PIEZO2: variants seen among roughly 807,000 people sequenced by gnomAD.
PIEZO2 encodes the protein piezo type mechanosensitive ion channel component 2.
Under a neutral mutation model 337.3 loss-of-function variants are expected in PIEZO2, and 172 were observed. The ratio of observed to expected loss-of-function variants is 0.51; its 90% confidence interval spans 0.45 to 0.58. The LOEUF is 0.58. PIEZO2 is among the 20% of genes least tolerant of loss of function. PIEZO2 has a pLI of 0.00. For missense variants in PIEZO2, 3,028 were observed against 3,391.3 expected, an observed-to-expected ratio of 0.89 and a Z score of 2.66; for synonymous variants, 1,251 against 1,228.5, an observed-to-expected ratio of 1.02 and a Z score of -0.38.
chr18:11,053,447 C>T (rs2584730), intron 2 of PIEZO2, among the ~76,000 whole-genome samples: 107,525 of 151,730 alleles, frequency 0.71, 38,656 homozygotes, highest in East Asian at 0.99. Flanking sequence ...ATAATAATAA[C>T]AACAGCCCAC....
At position 10,871,288 on chromosome 18, in the gene PIEZO2, C is replaced by A. The variant is rs1447881873; in HGVS notation, c.457G>T (p.Ala153Ser). Residue 153 changes from alanine to serine, a missense_variant, in exon 5 of 56, where the codon GCA becomes TCA. By Grantham distance (99) the Ala-to-Ser change is moderately conservative. Around this residue, in one of 5 missense-constraint regions of PIEZO2, gnomAD observed 542 missense variants for 605.6 expected, o/e 0.89. Coordinates refer to ENST00000674853, the MANE Select transcript of PIEZO2 (RefSeq NM_001378183.1). ...IVQKPVTDEAAQSNPEFENEE... is the reference protein window; with the variant it reads ...IVQKPVTDEASQSNPEFENEE... ...TTTTCAAACTCCGGGTTACTCTGTG[C>A]TGCTTCGTCTGTCACAGGTTTCTGA... 9.8e-6 allele frequency: 15 copies of A among 1,537,040 alleles called. No homozygotes were observed. Among genetic ancestry groups the A allele is most frequent in the Non-Finnish European group, 1.3e-5 (15 of 1,146,858 alleles).
intron 8 of PIEZO2, 112 bp downstream of exon 8, chr18:10,807,000 G>T: frequency 1.8e-6 from 2 of 1,084,412 alleles, no homozygotes; most frequent in Non-Finnish European, 2.6e-6. Flanking sequence ...GAACACTAGA[G>T]TTGTGTTGGA....
chr18:11,106,643 G>A (rs1316435163), intron 1 of PIEZO2, among the ~76,000 whole-genome samples: 4 of 151,800 alleles, frequency 2.6e-5, no homozygotes, highest in African/African-American at 4.8e-5. Flanking sequence ...CCAACTCTGC[G>A]CTCAAGTGAT....
In PIEZO2 at chr18:11,033,708, T is replaced by G. The variant is rs1476889374; in HGVS notation, c.160+32419A>C. ...CACTTTCTGTCATGTGAACCAGTCATACCAAGAGTATAAATATTGCTCTCA... is the reference window on the plus strand; with the variant it reads ...CACTTTCTGTCATGTGAACCAGTCAGACCAAGAGTATAAATATTGCTCTCA... On this transcript the variant is annotated intron_variant, in intron 2 of 55. Coordinates refer to ENST00000674853, the MANE Select transcript of PIEZO2 (RefSeq NM_001378183.1). The surrounding 1 kb of genome is among the most constrained non-coding windows in gnomAD (Gnocchi z 4.2). Among the ~76,000 whole-genome samples, 1 of 151,992 alleles carries G rather than the reference T, an allele frequency of 6.6e-6. No individual in the cohort carries two copies. Among genetic ancestry groups the G allele is most frequent in the African/African-American group, 2.4e-5 (1 of 41,384 alleles).
chr18:11,053,491 T>C (rs2037605637), intron 2 of PIEZO2, among the ~76,000 whole-genome samples: 1 of 152,190 alleles, frequency 6.6e-6, no homozygotes, highest in African/African-American at 2.4e-5. Flanking sequence ...TTTCGCAACA[T>C]TGCCTAGACT....
At chr18:10,675,147 T>A in intron 54 of PIEZO2, 62 bp downstream of exon 54, 2 of 1,207,480 alleles carry the variant, frequency 1.7e-6, no homozygotes, top group Non-Finnish European at 2.4e-6. Context: ...AAGCACAAAC[T>A]GTTGAAATTG....
intron 7 of PIEZO2, among the ~76,000 whole-genome samples, chr18:10,844,104 C>T (rs1247149348): frequency 1.3e-5 from 2 of 152,190 alleles, no homozygotes; most frequent in African/African-American, 2.4e-5. Context: ...GAATTGGGCT[C>T]AAACCCTGGT....
intron 47 of PIEZO2, among the ~76,000 whole-genome samples, chr18:10,694,740 C>T (rs763849933): frequency 1.3e-4 from 20 of 152,074 alleles, no homozygotes; most frequent in African/African-American, 4.8e-4. Context: ...GAGGCTGAGG[C>T]GGGAGGATTG....
intron 2 of PIEZO2, among the ~76,000 whole-genome samples, chr18:11,058,787 A>G (rs571943688): frequency 6.6e-6 from 1 of 152,356 alleles, no homozygotes; most frequent in East Asian, 1.9e-4. Flanking sequence ...TGATTGGTGT[A>G]CCTGAAAGTG....
In PIEZO2 at chr18:11,127,239, A is replaced by G. The variant is rs1246150332; in HGVS notation, c.64+21286T>C. ...GAGGAGGTGACATTTAGGCTGAGATATAGGAGGAAACGCTCATCAGAGCAC... is the reference window on the plus strand; with the variant it reads ...GAGGAGGTGACATTTAGGCTGAGATGTAGGAGGAAACGCTCATCAGAGCAC... On this transcript the variant is annotated intron_variant, in intron 1 of 55. Coordinates refer to ENST00000674853, the MANE Select transcript of PIEZO2 (RefSeq NM_001378183.1). The surrounding 1 kb of genome is among the most constrained non-coding windows in gnomAD (Gnocchi z 4.5). 1.3e-5 allele frequency among the ~76,000 whole-genome samples: 2 copies of G among 152,220 alleles called. No individual in the cohort carries two copies. Among genetic ancestry groups the G allele is most frequent in the African/African-American group, 4.8e-5 (2 of 41,458 alleles).
chr18:11,007,845 C>T (rs1568289251), intron 2 of PIEZO2, among the ~76,000 whole-genome samples: 1 of 152,150 alleles, frequency 6.6e-6, no homozygotes, highest in African/African-American at 2.4e-5. Context: ...GAAGGATTTA[C>T]AGCCAAAAGG....
At chr18:10,763,724 A>G (rs2038234548) in intron 21 of PIEZO2, among the ~76,000 whole-genome samples, 1 of 152,186 alleles carries the variant, frequency 6.6e-6, no homozygotes, top group Non-Finnish European at 1.5e-5. Context: ...TTTGGAGGTA[A>G]GATTTGCTTC....
At position 10,872,945 on chromosome 18, in the gene PIEZO2, A is replaced by G. The variant is rs2042174047; in HGVS notation, c.330-1530T>C. 6.6e-6 allele frequency among the ~76,000 whole-genome samples: 1 copy of G among 152,156 alleles called. No individual in the cohort carries two copies. The highest frequency in any genetic ancestry group is 2.4e-5 in the African/African-American group (1 of 41,450). The stretch of plus-strand genomic sequence containing the variant: ...TGATCCATGGAAAAATCAAGCATAG[A>G]ACTTCAAAGGAGGGTTAAGTCTTTG... On this transcript the variant is annotated intron_variant, in intron 4 of 55. Coordinates refer to ENST00000674853, the MANE Select transcript of PIEZO2 (RefSeq NM_001378183.1). This position sits in a 1 kb window ranked among gnomAD's most constrained non-coding sequence, Gnocchi z 4.3.
At chr18:10,889,193 G>A (rs190882145) in intron 4 of PIEZO2, among the ~76,000 whole-genome samples, 92 of 152,252 alleles carry the variant, frequency 6.0e-4, no homozygotes, top group Non-Finnish European at 8.1e-4. Context: ...TTTCAAATTC[G>A]GCTTTCATCC....
At chr18:10,944,883 G>C (rs777374083) in intron 3 of PIEZO2, among the ~76,000 whole-genome samples, 16 of 151,946 alleles carry the variant, frequency 1.1e-4, no homozygotes, top group Non-Finnish European at 1.6e-4. Context: ...GGTTCCTAAG[G>C]GGGGAGAAAA....
rs1371916110 is a variant in PIEZO2, at chr18:10,859,860, G to A, written c.493-2649C>T. Among the ~76,000 whole-genome samples the A allele has an allele frequency of 6.6e-6, 1 of 152,170 alleles. No individual in the cohort carries two copies. The highest frequency in any genetic ancestry group is 1.5e-5 in the Non-Finnish European group (1 of 68,032). On this transcript the variant is annotated intron_variant, in intron 5 of 55. Coordinates refer to ENST00000674853, the MANE Select transcript of PIEZO2 (RefSeq NM_001378183.1). This position sits in a 1 kb window ranked among gnomAD's most constrained non-coding sequence, Gnocchi z 4.9. ...AGGCAGCAGCGGGGAGGTGGTGGCTGTGCTGGAGGAGAGGGGAGGGAGTGG... is the reference window on the plus strand; with the variant it reads ...AGGCAGCAGCGGGGAGGTGGTGGCTATGCTGGAGGAGAGGGGAGGGAGTGG...
intron 39 of PIEZO2, among the ~76,000 whole-genome samples, chr18:10,708,872 C>T (rs1020881040): frequency 1.3e-5 from 2 of 152,134 alleles, no homozygotes; most frequent in African/African-American, 4.8e-5. Context: ...AATAACTGCT[C>T]ATGTAGAATT....
Position 10,910,068 on chromosome 18 carries a change from C to T in PIEZO2, c.329+1118G>A, listed in dbSNP as rs116052576. ...AGTATTTTATTATTTCCTTTGTATACTTTAAGTGCTCTGTCAGCTTCATCA... is the reference window on the plus strand; with the variant it reads ...AGTATTTTATTATTTCCTTTGTATATTTTAAGTGCTCTGTCAGCTTCATCA... On this transcript the variant is annotated intron_variant, in intron 4 of 55. Coordinates refer to ENST00000674853, the MANE Select transcript of PIEZO2 (RefSeq NM_001378183.1). 3.4e-3 allele frequency among the ~76,000 whole-genome samples: 519 copies of T among 152,292 alleles called. 4 individuals carry two copies. The highest frequency in any genetic ancestry group is 0.012 in the African/African-American group (491 of 41,550).
At chr18:11,050,107 A>G (rs923763830) in intron 2 of PIEZO2, among the ~76,000 whole-genome samples, 3 of 152,188 alleles carry the variant, frequency 2.0e-5, no homozygotes, top group African/African-American at 7.2e-5. Flanking sequence ...ACCATCTCAA[A>G]AAAGAACAAC....
Sources: gnomAD v4.1 joint callset for allele counts (sites outside exome capture counted in the v4.1 genomes callset) on GRCh38, gnomAD v4.1.1 for gene constraint, gnomAD v4.1.1 regional missense constraint, Gnocchi (gnomAD v3.1) non-coding constraint, MANE v1.5 for transcripts, NCBI Gene and HGNC (gene_info 2026-07-23, HGNC 2026-07-21) for gene names.